The following PI4KB variants were observed in gnomAD, a reference collection of about 807,000 sequenced individuals.
PI4KB encodes PtdIns 4-kinase beta.
A neutral mutation model predicts 81.4 loss-of-function variants in PI4KB; 23 were observed. That is an observed-to-expected ratio of 0.28 (90% CI 0.20 to 0.40). The LOEUF is 0.40. Ranked by LOEUF, PI4KB falls within the 10% of genes least tolerant of loss-of-function variation. The probability of loss-of-function intolerance (pLI) is 1.00; values close to 1 mark genes in which losing one functional copy is unlikely to be tolerated. For synonymous variants in PI4KB, 381 were observed against 406.8 expected, an observed-to-expected ratio of 0.94 and a Z score of 0.76; for missense variants, 651 against 1,036.6, an observed-to-expected ratio of 0.63 and a Z score of 5.11.
chr1:151,298,719 G>A (rs587679222), intron 9 of PI4KB, 89 bp downstream of exon 9: 2 of 1,314,500 alleles, frequency 1.5e-6, no homozygotes, highest in African/African-American at 1.5e-5. Flanking sequence ...CTTTGCCATG[G>A]AGGGCAGTAA....
At chr1:151,326,204 T>C in intron 1 of PI4KB, 1 of 1,609,382 alleles carries the variant, frequency 6.2e-7, no homozygotes, top group Non-Finnish European at 8.5e-7. Context: ...GGCCTGTTCA[T>C]CCCTCTTAGT....
chr1:151,304,929 G>A (rs1023107157), intron 5 of PI4KB, among the ~76,000 whole-genome samples: 5 of 150,952 alleles, frequency 3.3e-5, no homozygotes, highest in South Asian at 4.2e-4. Flanking sequence ...TCCTGGGTTC[G>A]AATAATTCTA....
chr1:151,314,934 C>G (rs1325178026), intron 2 of PI4KB, among the ~76,000 whole-genome samples: 1 of 152,144 alleles, frequency 6.6e-6, no homozygotes, highest in Non-Finnish European at 1.5e-5. Flanking sequence ...GCTTCTGCCA[C>G]AGTTCTCATT....
chr1:151,314,485 C>T (rs1337188722), intron 2 of PI4KB, among the ~76,000 whole-genome samples: 1 of 152,152 alleles, frequency 6.6e-6, no homozygotes, highest in Non-Finnish European at 1.5e-5. Flanking sequence ...CCACCTCTTC[C>T]CTGCTCTATA....
intron 8 of PI4KB, among the ~76,000 whole-genome samples, chr1:151,301,199 G>A (rs1377412463): frequency 6.6e-6 from 1 of 152,052 alleles, no homozygotes; most frequent in Non-Finnish European, 1.5e-5. Flanking sequence ...GTTGGCTGGA[G>A]TTGGGCTGAG....
chr1:151,313,053 C>CGGAAGGAA (rs113590962), intron 2 of PI4KB, among the ~76,000 whole-genome samples: 65 of 150,248 alleles, frequency 4.3e-4, no homozygotes, highest in African/African-American at 1.1e-3. Flanking sequence ...GACGGGTGGG[C>CGGAAGGAA]GGAAGGAAGG....
At chr1:151,295,624 G>C (rs966350870) in intron 9 of PI4KB, among the ~76,000 whole-genome samples, 1 of 152,220 alleles carries the variant, frequency 6.6e-6, no homozygotes, top group African/African-American at 2.4e-5. Flanking sequence ...CCTAAAACCT[G>C]ACTCCAGTAT....
intron 3 of PI4KB, among the ~76,000 whole-genome samples, chr1:151,309,173 A>C (rs1210079852): frequency 6.6e-6 from 1 of 152,176 alleles, no homozygotes; most frequent in Non-Finnish European, 1.5e-5. Flanking sequence ...AGAGAAAGAA[A>C]ATAAGAGGAA....
intron 9 of PI4KB, 56 bp downstream of exon 9, chr1:151,298,752 G>C (rs767132750): frequency 5.0e-5 from 79 of 1,569,372 alleles, no homozygotes; most frequent in Admixed American, 1.7e-5. Flanking sequence ...AACTACACAC[G>C]AAGGGACAGA....
chr1:151,301,795 G>T (rs1695310901), intron 8 of PI4KB, 49 bp downstream of exon 8: 1 of 1,573,320 alleles, frequency 6.4e-7, no homozygotes, highest in African/African-American at 1.3e-5. Flanking sequence ...GCCTCCCAGA[G>T]TGCTGGGATT....
intron 5 of PI4KB, among the ~76,000 whole-genome samples, chr1:151,304,251 AT>A (rs1438738790): frequency 4.0e-5 from 6 of 151,238 alleles, no homozygotes; most frequent in Non-Finnish European, 8.8e-5. Flanking sequence ...GTATATCTAA[AT>A]TTTTTTTTCT....
chr1:151,302,995 G>GTTTTTTTTT (rs775167343), intron 6 of PI4KB, among the ~76,000 whole-genome samples: 3 of 107,136 alleles, frequency 2.8e-5, no homozygotes, highest in Non-Finnish European at 5.8e-5. Flanking sequence ...GTGCTTTCTT[G>GTTTTTTTTT]TTTTTTTTTT....
chr1:151,294,349 C>T lies in PI4KB; in HGVS notation c.2148+60G>A, dbSNP rs140160119. On this transcript the variant is annotated intron_variant, in intron 10 of 11. Coordinates refer to ENST00000368873, the MANE Select transcript of PI4KB (RefSeq NM_001369623.2). Reference sequence around the variant, plus strand: ...TTTGCAGGGAGCCCATCAGCTCCCTCTCCCATGACAGAGAAAGAATACAAT... The same window carrying T: ...TTTGCAGGGAGCCCATCAGCTCCCTTTCCCATGACAGAGAAAGAATACAAT... The T allele has an allele frequency of 6.9e-6, 11 of 1,587,210 alleles. No individual in the cohort carries two copies. The African/African-American group carries it at 1.3e-4, about 19-fold the overall frequency.
chr1:151,312,335 A>C (rs1647252998), intron 2 of PI4KB, among the ~76,000 whole-genome samples: 1 of 152,162 alleles, frequency 6.6e-6, no homozygotes, highest in African/African-American at 2.4e-5. Flanking sequence ...CTAAAAGAAA[A>C]GCAAGAGACT....
Position 151,303,561 on chromosome 1 carries a change from G to C in PI4KB, c.1500C>G (p.Phe500Leu). ...CATACCGGATGTCCCCTGCTGCAAT[G>C]AACACAGGCTCCTTGCTCTCCTGGC... ...ITSQESKEPV[F>L]IAAGDIRRRL... The change falls in exon 6 of 12, where the codon TTC becomes TTG. Residue 500 changes from phenylalanine to leucine, a missense_variant. Physicochemically the swap from Phe to Leu is conservative, Grantham distance 22 (BLOSUM62 0). Transcript: ENST00000368873. 6.2e-7 allele frequency: 1 copy of C among 1,612,274 alleles called. No homozygotes were observed. Among genetic ancestry groups the C allele is most frequent in the Non-Finnish European group, 8.5e-7 (1 of 1,178,312 alleles).
intron 11 of PI4KB, 52 bp from the exon 12 acceptor site, chr1:151,293,085 G>T (rs777239104): frequency 1.8e-5 from 29 of 1,596,888 alleles, no homozygotes; most frequent in Non-Finnish European, 2.5e-5. Flanking sequence ...AGGGGCAGTG[G>T]TGTCAGCCAT....
intron 1 of PI4KB, chr1:151,324,697 G>A (rs896879801): frequency 1.3e-5 from 12 of 935,156 alleles, no homozygotes; most frequent in South Asian, 4.9e-5. Context: ...GCCAGCTATG[G>A]GAGCCGCTAC....
rs373500632 is a variant in PI4KB at position 151,294,057 on chromosome 1, T to C, written c.2230A>G (p.Met744Val). 3.7e-6 allele frequency: 6 copies of C among 1,613,936 alleles called. No homozygotes were observed. Among genetic ancestry groups the C allele is most frequent in the Non-Finnish European group, 4.2e-6 (5 of 1,179,968 alleles). Reference sequence around the variant, plus strand: ...TCCACGATCTGCACCACCTTGTCCATGTGTTTCCGAGCGGCAATCAGCCCT... The same window carrying C: ...TCCACGATCTGCACCACCTTGTCCACGTGTTTCCGAGCGGCAATCAGCCCT... Reference protein sequence around the residue: ...LQGLIAARKHMDKVVQIVEIM... With the variant: ...LQGLIAARKHVDKVVQIVEIM... The change falls in exon 11 of 12, where the codon ATG becomes GTG. Residue 744 changes from methionine (M) to valine (V), a missense_variant. Met to Val is a conservative substitution (Grantham distance 21). Coordinates refer to ENST00000368873, the MANE Select transcript of PI4KB (RefSeq NM_001369623.2).
At chr1:151,306,815 G>A (rs1017402402) in intron 4 of PI4KB, among the ~76,000 whole-genome samples, 9 of 152,278 alleles carry the variant, frequency 5.9e-5, no homozygotes, top group African/African-American at 2.2e-4. Flanking sequence ...GGTGGCTCAC[G>A]CCTGTAATCC....
Sources: allele counts gnomAD v4.1 joint callset (sites outside exome capture counted in the v4.1 genomes callset), GRCh38; gene constraint gnomAD v4.1.1; transcripts MANE v1.5; gene names NCBI Gene and HGNC (gene_info 2026-07-23, HGNC 2026-07-21).